The following PPP1R21 variants were observed in gnomAD, a reference collection of about 807,000 sequenced individuals.
PPP1R21 encodes protein phosphatase 1 regulatory subunit 21.
In PPP1R21, 85 loss-of-function variants were observed where a neutral mutation model predicts 112.8. That is an observed-to-expected ratio of 0.75 (90% confidence interval 0.63 to 0.90). PPP1R21 has a LOEUF of 0.90. Ranked by LOEUF, PPP1R21 falls within the 40% of genes least tolerant of loss-of-function variation. The pLI, the probability that PPP1R21 is intolerant of heterozygous loss-of-function variation, is 0.00. For missense variants in PPP1R21, 1,199 were observed against 901.5 expected (o/e 1.33, Z -4.23); for synonymous variants, 381 against 322.3 (o/e 1.18, Z -1.95).
Position 48,440,832 on chromosome 2 carries a change from C to CGGG in PPP1R21, c.-120_-119insGGG. 1 of 697,372 alleles carries CGGG rather than the reference C, an allele frequency of 1.4e-6. No homozygotes were observed. The highest frequency in any genetic ancestry group is 2.4e-6 in the Non-Finnish European group (1 of 411,574). The allele number at this position is 697,372 out of a possible 1,614,324, so 43.2% of individuals were successfully genotyped here. ...GGAGGCGCGGCGGCGGCGGCGGCGG[C>CGGG]GGCTGCGGTGGCCAAGCAGGCAGAT... On this transcript the variant is annotated 5_prime_UTR_variant, in exon 1 of 22. Coordinates refer to ENST00000294952, the MANE Select transcript of PPP1R21 (RefSeq NM_001135629.3).
At chr2:48,466,813 A>AAACTG (rs1668224976) in intron 9 of PPP1R21, among the ~76,000 whole-genome samples, 1 of 152,108 alleles carries the variant, frequency 6.6e-6, no homozygotes, top group African/African-American at 2.4e-5. Context: ...AATAATGAGC[A>AAACTG]AACTGTGTTG....
chr2:48,471,311 A>T lies in PPP1R21; in HGVS notation c.1032A>T (p.Glu344Asp). ...ETTVKLKTFSEHLTSYICFLR... is the reference protein window; with the variant it reads ...ETTVKLKTFSDHLTSYICFLR... ...CTGTGAAATTGAAAACTTTTTCAGAACACTTAACCTCCTACATATGTTTTC... is the reference window on the plus strand; with the variant it reads ...CTGTGAAATTGAAAACTTTTTCAGATCACTTAACCTCCTACATATGTTTTC... The change falls in exon 11 of 22, where the codon GAA becomes GAT. Residue 344 changes from glutamate to aspartate, a missense_variant. By Grantham distance (45) the Glu-to-Asp change is conservative (BLOSUM62 2). Coordinates refer to ENST00000294952, the MANE Select transcript of PPP1R21 (RefSeq NM_001135629.3). 6.2e-7 allele frequency: 1 copy of T among 1,611,820 alleles called. No homozygotes were observed. Among genetic ancestry groups the T allele is most frequent in the Non-Finnish European group, 8.5e-7 (1 of 1,179,184 alleles).
chr2:48,451,048 A>G lies in PPP1R21; in HGVS notation c.98A>G (p.Asp33Gly). Residue 33 changes from aspartate (D) to glycine (G), a missense_variant, in exon 2 of 22, where the codon GAT becomes GGT. Coordinates refer to ENST00000294952, the MANE Select transcript of PPP1R21 (RefSeq NM_001135629.3). ...CAGGTTCTGAAAAAAGGTGTTGTGG[A>G]TGAACAAGCAAATTCTGCAGCTTTA... ...QNQVLKKGVV[D>G]EQANSAALKE... 1 of 1,613,870 alleles carries G rather than the reference A, an allele frequency of 6.2e-7. No individual in the cohort carries two copies. The highest frequency in any genetic ancestry group is 1.3e-5 in the African/African-American group (1 of 75,054).
intron 12 of PPP1R21, among the ~76,000 whole-genome samples, chr2:48,477,869 A>T (rs1438156884): frequency 6.6e-6 from 1 of 152,182 alleles, no homozygotes; most frequent in African/African-American, 2.4e-5. Flanking sequence ...TCTAACTGTC[A>T]GTACCTGTAT....
intron 15 of PPP1R21, among the ~76,000 whole-genome samples, chr2:48,494,403 C>CTATTT (rs1669717474): frequency 7.2e-6 from 1 of 137,966 alleles, no homozygotes; most frequent in East Asian, 2.0e-4. Context: ...AACATAAAGC[C>CTATTT]TATTTTATTT....
intron 13 of PPP1R21, among the ~76,000 whole-genome samples, chr2:48,481,391 A>G (rs1476162449): frequency 6.6e-6 from 1 of 152,226 alleles, no homozygotes; most frequent in Non-Finnish European, 1.5e-5. Context: ...AACAATATTC[A>G]ACTCCAGTCC....
intron 9 of PPP1R21, among the ~76,000 whole-genome samples, chr2:48,470,373 C>G (rs908321797): frequency 2.6e-5 from 4 of 151,980 alleles, no homozygotes; most frequent in African/African-American, 9.7e-5. Context: ...CAAAAATTAG[C>G]TGGGCGTAGT....
intron 17 of PPP1R21, among the ~76,000 whole-genome samples, chr2:48,502,660 T>A (rs548793448): frequency 6.7e-6 from 1 of 149,150 alleles, no homozygotes; most frequent in South Asian, 2.1e-4. Flanking sequence ...AAAAGTAACC[T>A]CAGATAGAAA....
At chr2:48,508,679 A>G (rs1670496267) in intron 19 of PPP1R21, among the ~76,000 whole-genome samples, 1 of 152,024 alleles carries the variant, frequency 6.6e-6, no homozygotes, top group Non-Finnish European at 1.5e-5. Flanking sequence ...TTTCACAAGG[A>G]CCTGTGCCTT....
At position 48,495,846 on chromosome 2, in the gene PPP1R21, A is replaced by G. The variant is rs778352694; in HGVS notation, c.1692+75A>G. 22 of 829,318 alleles carry G rather than the reference A, an allele frequency of 2.7e-5. No individual in the cohort carries two copies. In the South Asian group the frequency reaches 3.1e-4, roughly 12 times the overall value. The allele number at this position is 829,318 out of a possible 1,614,324, so 51.4% of individuals were successfully genotyped here. On this transcript the variant is annotated intron_variant, in intron 16 of 21. Transcript: ENST00000294952. ...ATCCCCCATAGAAAGTTTTTAAGAT[A>G]CGTAGAATGATTCAAAAGTCTGCAT...
chr2:48,461,349 T>C (rs1418008547), intron 7 of PPP1R21, 117 bp downstream of exon 7: 2 of 1,329,500 alleles, frequency 1.5e-6, no homozygotes, highest in East Asian at 6.3e-5. Context: ...CCACAGAAGA[T>C]TGCTTTCTCT....
rs532334779 is a variant in PPP1R21, at chr2:48,491,930, C to T, written c.1599+760C>T. On this transcript the variant is annotated intron_variant, in intron 15 of 21. Coordinates refer to ENST00000294952, the MANE Select transcript of PPP1R21 (RefSeq NM_001135629.3). The stretch of plus-strand genomic sequence containing the variant: ...AGCTGCTCCTTGGGGAGCAGGACTA[C>T]TTATAGACAGTGCACCCAGAGCTGC... Among the ~76,000 whole-genome samples the T allele has an allele frequency of 2.6e-5, 4 of 152,206 alleles. No homozygotes were observed. In the South Asian group the frequency reaches 8.3e-4, roughly 32 times the overall value.
At chr2:48,488,833 A>G (rs1030865737) in intron 14 of PPP1R21, among the ~76,000 whole-genome samples, 3 of 152,210 alleles carry the variant, frequency 2.0e-5, no homozygotes, top group African/African-American at 7.2e-5. Flanking sequence ...ATTTCCATTA[A>G]GAACCCAGTA....
chr2:48,475,031 A>G (rs1668687865), intron 12 of PPP1R21, among the ~76,000 whole-genome samples: 1 of 152,092 alleles, frequency 6.6e-6, no homozygotes, highest in Non-Finnish European at 1.5e-5. Flanking sequence ...TATATAATGG[A>G]GTTAAATGTT....
intron 7 of PPP1R21, among the ~76,000 whole-genome samples, chr2:48,461,986 T>C (rs1465240522): frequency 2.0e-5 from 3 of 152,224 alleles, no homozygotes; most frequent in Non-Finnish European, 4.4e-5. Context: ...GCCCATGTCA[T>C]TATTGTATCA....
intron 3 of PPP1R21, among the ~76,000 whole-genome samples, chr2:48,457,202 A>G (rs1345248325): frequency 6.6e-6 from 1 of 152,212 alleles, no homozygotes; most frequent in Non-Finnish European, 1.5e-5. Flanking sequence ...ATTAATTTTA[A>G]TTAAAGCTCA....
intron 9 of PPP1R21, among the ~76,000 whole-genome samples, chr2:48,466,141 G>A (rs115829334): frequency 0.074 from 11,288 of 152,116 alleles, 597 homozygotes; most frequent in Non-Finnish European, 0.11. Flanking sequence ...CTCCCATAAC[G>A]TTTGGGAACT....
chr2:48,496,706 G>A (rs1669858165), intron 16 of PPP1R21, among the ~76,000 whole-genome samples: 1 of 152,158 alleles, frequency 6.6e-6, no homozygotes, highest in African/African-American at 2.4e-5. Context: ...GACCTCAAGT[G>A]ATCCCCTGCC....
intron 20 of PPP1R21, among the ~76,000 whole-genome samples, chr2:48,511,081 C>A (rs1039145275): frequency 6.6e-6 from 1 of 151,936 alleles, no homozygotes; most frequent in Non-Finnish European, 1.5e-5. Context: ...TTGGGGGGGA[C>A]ATGGTATTTT....
Sources: gnomAD v4.1 joint callset for allele counts (sites outside exome capture counted in the v4.1 genomes callset) on GRCh38, gnomAD v4.1.1 for gene constraint, MANE v1.5 for transcripts, NCBI Gene and HGNC (gene_info 2026-07-23, HGNC 2026-07-21) for gene names.